The following COL24A1 variants were observed in gnomAD, a reference collection of about 807,000 sequenced individuals.
COL24A1 encodes the protein collagen alpha-1(XXIV) chain.
Under a neutral mutation model 253.9 loss-of-function variants are expected in COL24A1, and 224 were observed. That is an observed-to-expected ratio of 0.88 (90% CI 0.79 to 0.99). The LOEUF is 0.99. Among genes scored for constraint, COL24A1 ranks in the 50% least tolerant of loss-of-function variants. COL24A1 has a pLI of 0.00. For missense variants in COL24A1, 2,131 were observed against 2,068.5 expected (o/e 1.03, Z -0.59); for synonymous variants, 685 against 673.7 (o/e 1.02, Z -0.26).
rs539981930 is a variant in COL24A1, at chr1:86,015,785, A to C, written c.2310+1366T>G. Among the ~76,000 whole-genome samples the C allele has an allele frequency of 3.3e-4, 50 of 152,140 alleles. No homozygotes were observed. In the South Asian group the frequency reaches 5.2e-3, roughly 16 times the overall value. On this transcript the variant is annotated intron_variant, in intron 19 of 59. Transcript: ENST00000370571. ...GTTTTAATTACTCAATTTCCTTCCT[A>C]TCAGAATGCTGAGATCAATATACTA...
intron 26 of COL24A1, 82 bp from the exon 27 acceptor site, chr1:85,908,733 A>G (rs1230833262): frequency 3.6e-6 from 2 of 556,826 alleles, no homozygotes; most frequent in Admixed American, 3.9e-5. Context: ...AGTAAATTAT[A>G]AACAATAATA....
chr1:85,741,232 G>A (rs190072399), intron 57 of COL24A1, among the ~76,000 whole-genome samples: 18 of 152,062 alleles, frequency 1.2e-4, no homozygotes, highest in African/African-American at 4.3e-4. Flanking sequence ...GTCTGCTTTC[G>A]TTGTCTGCTG....
chr1:85,842,558 T>A (rs1370334385), intron 39 of COL24A1, among the ~76,000 whole-genome samples, 165 bp from the exon 40 acceptor site: 1 of 151,380 alleles, frequency 6.6e-6, no homozygotes. Flanking sequence ...CTTTTGTCTA[T>A]TTTTTTTTCT....
Position 85,734,885 on chromosome 1 carries a change from T to A in COL24A1, c.4862A>T (p.His1621Leu), listed in dbSNP as rs1250010256. Residue 1621 changes from histidine (H) to leucine (L), a missense_variant, in exon 59 of 60, where the codon CAC becomes CTC. Physicochemically the swap from His to Leu is moderately conservative, Grantham distance 99. Coordinates refer to ENST00000370571, the MANE Select transcript of COL24A1 (RefSeq NM_152890.7). ...SSEATHIITI[H>L]CLNTPRWTST... ...TGTCCACCTTGGGGTGTTTAGACAG[T>A]GAATGGTGATGATATGGGTGGCTTC... 6.2e-7 allele frequency: 1 copy of A among 1,614,122 alleles called. No homozygotes were observed. Among genetic ancestry groups the A allele is most frequent in the Admixed American group, 1.7e-5 (1 of 60,018 alleles).
intron 1 of COL24A1, chr1:86,154,892 G>C (rs960318345): frequency 6.6e-6 from 1 of 152,378 alleles, no homozygotes; most frequent in African/African-American, 2.4e-5. Context: ...CTCTGCATCC[G>C]CCCCTGATCA....
intron 4 of COL24A1, among the ~76,000 whole-genome samples, chr1:86,114,885 C>T (rs943920576): frequency 6.6e-6 from 1 of 152,110 alleles, no homozygotes; most frequent in Non-Finnish European, 1.5e-5. Flanking sequence ...TACTGCTGAT[C>T]TTTAATGCAG....
chr1:86,060,517 C>T (rs1701007707), intron 8 of COL24A1, among the ~76,000 whole-genome samples: 2 of 152,076 alleles, frequency 1.3e-5, no homozygotes, highest in Admixed American at 1.3e-4. Context: ...AAAGAACAGA[C>T]CAAGGAAATG....
chr1:85,878,676 C>T (rs944001879), intron 32 of COL24A1, among the ~76,000 whole-genome samples: 1 of 152,186 alleles, frequency 6.6e-6, no homozygotes, highest in Non-Finnish European at 1.5e-5. Context: ...TCCAAATTGG[C>T]TGTACCATTT....
At chr1:85,891,279 T>G (rs1206576879) in intron 31 of COL24A1, among the ~76,000 whole-genome samples, 1 of 149,854 alleles carries the variant, frequency 6.7e-6, no homozygotes, top group Non-Finnish European at 1.5e-5. Flanking sequence ...TTAACCAGGA[T>G]GGTATCAATC....
chr1:85,973,661 C>T (rs776537312), intron 20 of COL24A1, among the ~76,000 whole-genome samples: 3 of 152,082 alleles, frequency 2.0e-5, no homozygotes, highest in Non-Finnish European at 4.4e-5. Flanking sequence ...AACCTGCAGA[C>T]GGCTGACCGG....
chr1:86,084,837 T>C (rs912788834), intron 7 of COL24A1, among the ~76,000 whole-genome samples: 3 of 152,148 alleles, frequency 2.0e-5, no homozygotes, highest in African/African-American at 7.2e-5. Flanking sequence ...GTTCTCAGCT[T>C]CCCCTACCAT....
At chr1:85,880,276 T>A (rs1681675843) in intron 32 of COL24A1, among the ~76,000 whole-genome samples, 1 of 152,240 alleles carries the variant, frequency 6.6e-6, no homozygotes, top group African/African-American at 2.4e-5. Context: ...GGTGCTAATG[T>A]AAATAGTATT....
intron 5 of COL24A1, among the ~76,000 whole-genome samples, chr1:86,097,889 C>T (rs1165805901): frequency 6.6e-6 from 1 of 152,046 alleles, no homozygotes; most frequent in Non-Finnish European, 1.5e-5. Context: ...TAAATCTCCA[C>T]TTGGATGTTA....
rs187729267 is a variant in COL24A1 at position 85,973,133 on chromosome 1, C to T, written c.2365-1740G>A. Among the ~76,000 whole-genome samples, 133 of 152,284 alleles carry T rather than the reference C, an allele frequency of 8.7e-4. 1 individual carries two copies. Among genetic ancestry groups the T allele is most frequent in the African/African-American group, 3.0e-3 (126 of 41,556 alleles). ...TAAGTGTCTACACTGACTGGAGGTA[C>T]AGAATTAGAATGTTGTGATATTTGC... On this transcript the variant is annotated intron_variant, in intron 20 of 59. Transcript: ENST00000370571.
intron 19 of COL24A1, among the ~76,000 whole-genome samples, chr1:86,005,276 A>G (rs1695834958): frequency 6.6e-6 from 1 of 152,190 alleles, no homozygotes; most frequent in Non-Finnish European, 1.5e-5. Flanking sequence ...ACCTGATAAT[A>G]AGAATATACC....
chr1:85,905,262 T>C (rs969042021), intron 28 of COL24A1, among the ~76,000 whole-genome samples: 1 of 152,132 alleles, frequency 6.6e-6, no homozygotes, highest in African/African-American at 2.4e-5. Flanking sequence ...CCCCTTTTCA[T>C]TTATCTCAGT....
At chr1:85,930,196 T>A in intron 24 of COL24A1, among the ~76,000 whole-genome samples, 1 of 37,518 alleles carries the variant, frequency 2.7e-5, no homozygotes, top group Non-Finnish European at 4.8e-5. Context: ...GCAAGACTAA[T>A]AAAGAAAAAA....
intron 47 of COL24A1, among the ~76,000 whole-genome samples, chr1:85,795,403 T>C (rs1670700536): frequency 6.6e-6 from 1 of 152,162 alleles, no homozygotes; most frequent in South Asian, 2.1e-4. Flanking sequence ...CTCATTAGGA[T>C]TGAAACAAAT....
chr1:85,917,871 A>AT (rs1292532213), intron 24 of COL24A1, among the ~76,000 whole-genome samples: 2 of 151,738 alleles, frequency 1.3e-5, no homozygotes, highest in African/African-American at 4.8e-5. Context: ...CGCCCAGCTA[A>AT]TTTTTTTGTA....
Sources: allele counts gnomAD v4.1 joint callset (sites outside exome capture counted in the v4.1 genomes callset), GRCh38; gene constraint gnomAD v4.1.1; transcripts MANE v1.5; gene names NCBI Gene and HGNC (gene_info 2026-07-23, HGNC 2026-07-21).